The following ATXN1 variants were observed in gnomAD, a reference collection of about 807,000 sequenced individuals.
The protein encoded by ATXN1 is ataxin 1, also known as ataxin-1.
A neutral mutation model predicts 56.4 loss-of-function variants in ATXN1; 8 were observed. The ratio of observed to expected loss-of-function variants is 0.14; its 90% CI spans 0.08 to 0.26. The LOEUF (loss-of-function observed/expected upper bound fraction) is 0.26. ATXN1 is among the 10% of genes least tolerant of loss of function. The pLI is 1.00. For synonymous variants in ATXN1, 514 were observed against 494.6 expected (o/e 1.04, Z -0.52); for missense variants, 987 against 1,106.5 (o/e 0.89, Z 1.53).
intron 6 of ATXN1, among the ~76,000 whole-genome samples, chr6:16,384,824 T>C (rs986910426): frequency 6.6e-6 from 1 of 152,220 alleles, no homozygotes; most frequent in Admixed American, 6.5e-5. Flanking sequence ...GTACAGCCTG[T>C]GGAAACATGA....
At chr6:16,466,191 T>G (rs1760101429) in intron 6 of ATXN1, among the ~76,000 whole-genome samples, 1 of 151,732 alleles carries the variant, frequency 6.6e-6, no homozygotes, top group East Asian at 1.9e-4. Flanking sequence ...GGCAGGTGCC[T>G]GTAATCCCAG....
At chr6:16,485,467 T>C (rs1338148605) in intron 6 of ATXN1, 2 of 152,214 alleles carry the variant, frequency 1.3e-5, no homozygotes, top group Admixed American at 1.3e-4. Context: ...CAAACATAAC[T>C]GCTTGTAACT....
intron 6 of ATXN1, among the ~76,000 whole-genome samples, chr6:16,409,685 G>T (rs542569515): frequency 4.7e-5 from 7 of 149,508 alleles, no homozygotes; most frequent in Non-Finnish European, 1.0e-4. Flanking sequence ...TCGACTTGCC[G>T]TTTATGCAAT....
chr6:16,600,548 A>G (rs192511757), intron 3 of ATXN1, among the ~76,000 whole-genome samples: 30 of 152,340 alleles, frequency 2.0e-4, no homozygotes, highest in Admixed American at 1.6e-3. Flanking sequence ...TGATTATTCT[A>G]AATTTAAAAC....
chr6:16,601,785 G>A (rs955329364), intron 3 of ATXN1, among the ~76,000 whole-genome samples: 5 of 152,200 alleles, frequency 3.3e-5, no homozygotes, highest in Admixed American at 1.3e-4. Context: ...CCCAGGAGGC[G>A]GAGCTTGCAG....
intron 6 of ATXN1, among the ~76,000 whole-genome samples, chr6:16,373,481 T>G (rs1441389073): frequency 6.6e-6 from 1 of 152,164 alleles, no homozygotes; most frequent in Admixed American, 6.5e-5. Flanking sequence ...CAGGGGCCAG[T>G]CTGGAAGCCA....
In ATXN1 at chr6:16,306,474, G is replaced by A. The variant is rs1485037465; in HGVS notation, c.2303C>T (p.Ala768Val). ...CGCCGACCACCTCCTCTTCCTCGTTGCCGCGGGCTTGCTGGGTTCTATTTT... is the reference window on the plus strand; with the variant it reads ...CGCCGACCACCTCCTCTTCCTCGTTACCGCGGGCTTGCTGGGTTCTATTTT... ...LTKIEPSKPA[A>V]TRKRRWSAPE... Residue 768 changes from alanine (A) to valine (V), a missense_variant, in exon 8 of 8, where the codon GCA becomes GTA. Around this residue, in one of 3 missense-constraint regions of ATXN1, gnomAD observed 196 missense variants for 196.7 expected, o/e 1.00. Coordinates refer to ENST00000436367, the MANE Select transcript of ATXN1 (RefSeq NM_001128164.2). The surrounding 1 kb of genome is among the most constrained non-coding windows in gnomAD (Gnocchi z 5.2). The A allele has an allele frequency of 5.0e-6, 8 of 1,614,048 alleles. No homozygotes were observed. In the East Asian group the frequency reaches 1.6e-4, roughly 31 times the overall value.
intron 2 of ATXN1, among the ~76,000 whole-genome samples, chr6:16,686,674 A>T (rs1426515352): frequency 6.6e-6 from 1 of 152,252 alleles, no homozygotes; most frequent in Non-Finnish European, 1.5e-5. Context: ...ATCAATGAAA[A>T]GCAAGAAACC....
chr6:16,678,023 C>G (rs962631269), intron 2 of ATXN1, among the ~76,000 whole-genome samples: 21 of 152,110 alleles, frequency 1.4e-4, no homozygotes, highest in African/African-American at 4.1e-4. Flanking sequence ...GTTTTTAGCA[C>G]AAAATTCTAG....
In ATXN1 at chr6:16,328,158, A is replaced by C. The variant is rs1581692978; in HGVS notation, c.153T>G (p.Gly51=). Residue 51 remains glycine (G), a synonymous_variant, in exon 7 of 8, where the codon GGT becomes GGG. Coordinates refer to ENST00000436367, the MANE Select transcript of ATXN1 (RefSeq NM_001128164.2). The surrounding 1 kb of genome is among the most constrained non-coding windows in gnomAD (Gnocchi z 6.2). ...EGTAWLPGNP[G]GRGHGGGRHG... is the part of the protein sequence containing the mutation. ...GCCTCCCGCCCCCGTGGCCCCGGCC[A>C]CCAGGGTTGCCCGGGAGCCATGCTG... The C allele has an allele frequency of 6.3e-7, 1 of 1,587,380 alleles. No individual in the cohort carries two copies. The highest frequency in any genetic ancestry group is 8.6e-7 in the Non-Finnish European group (1 of 1,163,370).
At chr6:16,331,647 G>A (rs150538806) in intron 6 of ATXN1, among the ~76,000 whole-genome samples, 1 of 152,334 alleles carries the variant, frequency 6.6e-6, no homozygotes. Flanking sequence ...AGGTTAATTA[G>A]CCCAAGGCAG....
At chr6:16,324,798 A>T (rs1168792016) in intron 7 of ATXN1, among the ~76,000 whole-genome samples, 1 of 152,194 alleles carries the variant, frequency 6.6e-6, no homozygotes, top group African/African-American at 2.4e-5. Context: ...AGCGTTAACC[A>T]TACTTCCAGT....
At chr6:16,544,398 G>C (rs547017521) in intron 4 of ATXN1, among the ~76,000 whole-genome samples, 8 of 152,104 alleles carry the variant, frequency 5.3e-5, no homozygotes, top group African/African-American at 1.7e-4. Context: ...TCCGCAGGTC[G>C]GGACCCTCCT....
chr6:16,635,683 T>C (rs184105868), intron 3 of ATXN1, among the ~76,000 whole-genome samples: 2 of 152,284 alleles, frequency 1.3e-5, no homozygotes, highest in Admixed American at 6.5e-5. Flanking sequence ...AGGCAGGACA[T>C]TGACCAGATA....
intron 5 of ATXN1, among the ~76,000 whole-genome samples, chr6:16,519,889 C>T (rs748705185): frequency 2.0e-5 from 3 of 152,084 alleles, no homozygotes; most frequent in South Asian, 4.1e-4. Flanking sequence ...GTAACCATTA[C>T]GAAAACCACA....
chr6:16,729,772 A>G (rs573671648), intron 2 of ATXN1, among the ~76,000 whole-genome samples: 8 of 152,270 alleles, frequency 5.3e-5, no homozygotes, highest in Non-Finnish European at 8.8e-5. Flanking sequence ...CAACGGTTAT[A>G]TTTTTGTTCT....
chr6:16,679,760 T>A (rs1300138056), intron 2 of ATXN1, among the ~76,000 whole-genome samples: 1 of 152,162 alleles, frequency 6.6e-6, no homozygotes, highest in Non-Finnish European at 1.5e-5. Flanking sequence ...ATCACTACAG[T>A]TAAACGGGGG....
In ATXN1 at chr6:16,597,639, C is replaced by G. The variant is rs148924655; in HGVS notation, c.-488-11732G>C. Among the ~76,000 whole-genome samples, 323 of 152,250 alleles carry G rather than the reference C, an allele frequency of 2.1e-3. 1 individual carries two copies. Among genetic ancestry groups the G allele is most frequent in the African/African-American group, 7.1e-3 (296 of 41,552 alleles). On this transcript the variant is annotated intron_variant, in intron 3 of 7. Coordinates refer to ENST00000436367, the MANE Select transcript of ATXN1 (RefSeq NM_001128164.2). ...ATTTTCAGTCGAGACGGGGTTTCAC[C>G]ATGTTGGTTAGGCTGATCTCAAACT...
At position 16,610,024 on chromosome 6, in the gene ATXN1, G is replaced by C. The variant is rs371102515; in HGVS notation, c.-488-24117C>G. ...GCAATGAAAAGGAAAAACAGCCTTT[G>C]GAGCATCAAACCAGCAAGTGAAGAA... On this transcript the variant is annotated intron_variant, in intron 3 of 7. Coordinates refer to ENST00000436367, the MANE Select transcript of ATXN1 (RefSeq NM_001128164.2). Among the ~76,000 whole-genome samples, 6 of 151,970 alleles carry C rather than the reference G, an allele frequency of 3.9e-5. No individual in the cohort carries two copies. The East Asian group carries it at 1.2e-3, about 29-fold the overall frequency.
Sources: gnomAD v4.1 joint callset for allele counts (sites outside exome capture counted in the v4.1 genomes callset) on GRCh38, gnomAD v4.1.1 for gene constraint, gnomAD v4.1.1 regional missense constraint, Gnocchi (gnomAD v3.1) non-coding constraint, MANE v1.5 for transcripts, NCBI Gene and HGNC (gene_info 2026-07-23, HGNC 2026-07-21) for gene names.